Variants in TRIM67 observed in about 807,000 individuals in gnomAD.
TRIM67 encodes the protein tripartite motif-containing protein 67.
In TRIM67, 39 loss-of-function variants were observed where a neutral mutation model predicts 71.0. That is an observed-to-expected ratio of 0.55 (90% CI 0.43 to 0.72). TRIM67 has a LOEUF of 0.72. Among genes scored for constraint, TRIM67 ranks in the 30% least tolerant of loss-of-function variants. TRIM67 has a pLI of 0.00. For synonymous variants in TRIM67, 481 were observed against 473.9 expected (o/e 1.01, Z -0.19); for missense variants, 973 against 1,079.2 (o/e 0.90, Z 1.38).
At chr1:231,180,478 C>A (rs376058346) in intron 1 of TRIM67, among the ~76,000 whole-genome samples, 1 of 152,110 alleles carries the variant, frequency 6.6e-6, no homozygotes, top group African/African-American at 2.4e-5. Context: ...TACCTCCCTC[C>A]CAGCGTGCTA....
At chr1:231,181,379 C>T (rs984100702) in intron 1 of TRIM67, among the ~76,000 whole-genome samples, 16 of 152,146 alleles carry the variant, frequency 1.1e-4, no homozygotes, top group East Asian at 1.9e-4. Flanking sequence ...ATGCAGAGGA[C>T]GGGAAATAGA....
chr1:231,186,044 A>T (rs1329035195), intron 1 of TRIM67: 1 of 1,517,144 alleles, frequency 6.6e-7, no homozygotes, highest in Non-Finnish European at 8.8e-7. Context: ...CCAGGGAAAA[A>T]GAAGGGGATG....
intron 1 of TRIM67, among the ~76,000 whole-genome samples, chr1:231,191,663 C>T (rs1260558149): frequency 6.6e-6 from 1 of 152,080 alleles, no homozygotes; most frequent in Non-Finnish European, 1.5e-5. Flanking sequence ...ATAGTTAACA[C>T]CCAGAAGTCA....
At chr1:231,180,373 G>T (rs1682866476) in intron 1 of TRIM67, among the ~76,000 whole-genome samples, 1 of 151,864 alleles carries the variant, frequency 6.6e-6, no homozygotes, top group Admixed American at 6.6e-5. Context: ...TCTATAAAAA[G>T]TCTCTAATTA....
intron 1 of TRIM67, chr1:231,185,282 C>T (rs891559960): frequency 1.6e-4 from 233 of 1,442,462 alleles, no homozygotes; most frequent in Non-Finnish European, 2.1e-4. Flanking sequence ...GCTCTCCCTC[C>T]CACCCTCCTA....
At position 231,164,028 on chromosome 1, in the gene TRIM67, C is replaced by T. The variant is rs1166289388; in HGVS notation, c.1044+15C>T. Reference sequence around the variant, plus strand: ...AGCAGCACAAGGTGAGCCCGCGGGACGCGGGAGTGCAGGTGCCAGGGAAGA... The same window carrying T: ...AGCAGCACAAGGTGAGCCCGCGGGATGCGGGAGTGCAGGTGCCAGGGAAGA... On this transcript the variant is annotated intron_variant, in intron 1 of 9. Transcript: ENST00000366653. 2.0e-6 allele frequency: 3 copies of T among 1,482,606 alleles called. No individual in the cohort carries two copies. The highest frequency in any genetic ancestry group is 2.7e-6 in the Non-Finnish European group (3 of 1,105,986). 91.8% of individuals were successfully genotyped at this position (1,482,606 alleles called of 1,614,324 possible).
intron 1 of TRIM67, among the ~76,000 whole-genome samples, chr1:231,172,390 G>A (rs184342017): frequency 3.3e-5 from 5 of 152,174 alleles, no homozygotes; most frequent in East Asian, 1.9e-4. Flanking sequence ...TGTTTGGGAC[G>A]AATAAGGCAA....
In TRIM67 at chr1:231,201,656, G is replaced by A. The variant is rs866994085; in HGVS notation, c.1534+139G>A. On this transcript the variant is annotated intron_variant, in intron 5 of 9. Transcript: ENST00000366653. Reference sequence around the variant, plus strand: ...GGGAGAGCAGGAGCGCCAGAGTCACGGACCTAGGTTCAAGTCCCAGCTCAG... The same window carrying A: ...GGGAGAGCAGGAGCGCCAGAGTCACAGACCTAGGTTCAAGTCCCAGCTCAG... 104 of 1,094,004 alleles carry A rather than the reference G, an allele frequency of 9.5e-5. 1 individual carries two copies. The Admixed American group carries it at 2.5e-3, about 26-fold the overall frequency. The allele number at this position is 1,094,004 out of a possible 1,614,324, so 67.8% of individuals were successfully genotyped here. A position where few individuals can be genotyped will look rare whatever the true frequency, so the allele number is the denominator to read the frequency against.
At position 231,203,975 on chromosome 1, in the gene TRIM67, T is replaced by A; in HGVS notation, c.1643T>A (p.Ile548Asn). Residue 548 changes from isoleucine (I) to asparagine (N), a missense_variant, in exon 6 of 10, where the codon ATC becomes AAC. By Grantham distance (149) the Ile-to-Asn change is moderately radical. Coordinates refer to ENST00000366653, the MANE Select transcript of TRIM67 (RefSeq NM_001004342.5). ...ACCCACAGCCCCGTGGACGGCTACA[T>A]CCTGGAGCTGGACGACGGTGCCGGG... Reference protein sequence around the residue: ...PFTHSPVDGYILELDDGAGGQ... With the variant: ...PFTHSPVDGYNLELDDGAGGQ... 1 of 1,613,980 alleles carries A rather than the reference T, an allele frequency of 6.2e-7. No individual in the cohort carries two copies. Among genetic ancestry groups the A allele is most frequent in the Non-Finnish European group, 8.5e-7 (1 of 1,179,872 alleles).
chr1:231,189,745 C>T (rs917199786), intron 1 of TRIM67, among the ~76,000 whole-genome samples: 3 of 152,076 alleles, frequency 2.0e-5, no homozygotes, highest in African/African-American at 7.2e-5. Flanking sequence ...AGGGCTCCAC[C>T]CTCATGACCT....
Position 231,218,025 on chromosome 1 carries a change from G to C in TRIM67, c.*2585G>C. 8.4e-7 allele frequency: 1 copy of C among 1,186,622 alleles called. No homozygotes were observed. Among genetic ancestry groups the C allele is most frequent in the Non-Finnish European group, 1.1e-6 (1 of 939,538 alleles). 73.5% of individuals were successfully genotyped at this position (1,186,622 alleles called of 1,614,324 possible). ...CGGCCGATGCCAGGGACAGCATCCAGCTCTCCTTCACAGACACCTCTCCTG... is the reference window on the plus strand; with the variant it reads ...CGGCCGATGCCAGGGACAGCATCCACCTCTCCTTCACAGACACCTCTCCTG... On this transcript the variant is annotated 3_prime_UTR_variant, in exon 10 of 10. Coordinates refer to ENST00000366653, the MANE Select transcript of TRIM67 (RefSeq NM_001004342.5).
intron 7 of TRIM67, 90 bp from the exon 8 acceptor site, chr1:231,208,857 A>G (rs371949122): frequency 2.3e-6 from 3 of 1,327,612 alleles, no homozygotes; most frequent in East Asian, 2.3e-5. Flanking sequence ...TTTCTAACAG[A>G]AGCGAATGTG....
chr1:231,172,681 A>G (rs1682647371), intron 1 of TRIM67, among the ~76,000 whole-genome samples: 1 of 152,222 alleles, frequency 6.6e-6, no homozygotes, highest in African/African-American at 2.4e-5. Flanking sequence ...ATCTGTCCAG[A>G]CGGTGCATAG....
chr1:231,211,031 A>C (rs11582974), intron 8 of TRIM67, among the ~76,000 whole-genome samples: 1 of 127,232 alleles, frequency 7.9e-6, no homozygotes, highest in African/African-American at 2.8e-5. Context: ...AAAAAAAAAA[A>C]ATATATATAT....
At chr1:231,181,514 C>G (rs150598605) in intron 1 of TRIM67, among the ~76,000 whole-genome samples, 1 of 152,316 alleles carries the variant, frequency 6.6e-6, no homozygotes, top group African/African-American at 2.4e-5. Context: ...TCTGATACAA[C>G]CATTCTCTCA....
At chr1:231,176,442 A>G (rs1189923027) in intron 1 of TRIM67, among the ~76,000 whole-genome samples, 1 of 151,984 alleles carries the variant, frequency 6.6e-6, no homozygotes, top group Non-Finnish European at 1.5e-5. Flanking sequence ...ATGATGCTTG[A>G]GCTGGGGTCA....
At position 231,203,877 on chromosome 1, in the gene TRIM67, C is replaced by A; in HGVS notation, c.1545C>A (p.Val515=). Residue 515 remains valine (V), a synonymous_variant, in exon 6 of 10, where the codon GTC becomes GTA. Transcript: ENST00000366653. The part of the protein sequence containing the change: ...FIQMKCRVPP[V]PLLQLEKCCT... Reference sequence around the variant, plus strand: ...GTGTCCCCCTCGCAGTGCCACCCGTCCCCCTACTGCAGCTGGAGAAATGCT... The same window carrying A: ...GTGTCCCCCTCGCAGTGCCACCCGTACCCCTACTGCAGCTGGAGAAATGCT... 5 of 1,613,496 alleles carry A rather than the reference C, an allele frequency of 3.1e-6. No individual in the cohort carries two copies. The highest frequency in any genetic ancestry group is 4.2e-6 in the Non-Finnish European group (5 of 1,179,796).
At chr1:231,179,379 A>G (rs1237250372) in intron 1 of TRIM67, among the ~76,000 whole-genome samples, 1 of 152,230 alleles carries the variant, frequency 6.6e-6, no homozygotes, top group African/African-American at 2.4e-5. Flanking sequence ...AACCAATTAC[A>G]TCTGTAATGG....
At chr1:231,204,424 G>A (rs891575578) in intron 6 of TRIM67, among the ~76,000 whole-genome samples, 11 of 152,160 alleles carry the variant, frequency 7.2e-5, no homozygotes, top group African/African-American at 2.7e-4. Flanking sequence ...CATATACCTG[G>A]CAAGGTGCTG....
Sources: allele counts gnomAD v4.1 joint callset (sites outside exome capture counted in the v4.1 genomes callset), GRCh38; gene constraint gnomAD v4.1.1; transcripts MANE v1.5; gene names NCBI Gene and HGNC (gene_info 2026-07-23, HGNC 2026-07-21).